LDLRAD3: variants seen among roughly 807,000 people sequenced by gnomAD.
LDLRAD3 encodes the protein low density lipoprotein receptor class A domain containing 3.
In LDLRAD3, 20 loss-of-function variants were observed where a neutral mutation model predicts 29.4. That is an observed-to-expected ratio of 0.68 (90% CI 0.48 to 0.99). LDLRAD3 has a LOEUF of 0.99. Ranked by LOEUF, LDLRAD3 falls within the 50% of genes least tolerant of loss-of-function variation. The probability of loss-of-function intolerance (pLI) is 0.00; values close to 1 mark genes in which losing one functional copy is unlikely to be tolerated. For synonymous variants in LDLRAD3, 157 were observed against 192.7 expected (o/e 0.81, Z 1.53); for missense variants, 420 against 454.3 (o/e 0.92, Z 0.69).
Position 36,015,312 on chromosome 11 carries a change from C to A in LDLRAD3, c.47-20791C>A, listed in dbSNP as rs1430534532. On this transcript the variant is annotated intron_variant, in intron 1 of 5. Transcript: ENST00000315571. ...TAAATCCGGGACATGCCATTCCCCC[C>A]CCCCGCCCCCTGCCCCCATTGCCTG... Among the ~76,000 whole-genome samples, 3 of 146,280 alleles carry A rather than the reference C, an allele frequency of 2.1e-5. No individual in the cohort carries two copies. The East Asian group carries it at 6.1e-4, about 30-fold the overall frequency.
intron 4 of LDLRAD3, among the ~76,000 whole-genome samples, chr11:36,153,413 G>A (rs921444118): frequency 6.6e-6 from 1 of 152,158 alleles, no homozygotes; most frequent in Non-Finnish European, 1.5e-5. Context: ...GGCTGGCTCT[G>A]GTTGCTGTGG....
intron 4 of LDLRAD3, chr11:36,197,871 T>A (rs75122269): frequency 0.086 from 12,198 of 141,992 alleles, 545 homozygotes; most frequent in East Asian, 0.2. Context: ...ACAGAGCAAG[T>A]CCCCATGTCT....
chr11:36,225,342 G>T (rs1281353882), intron 4 of LDLRAD3, among the ~76,000 whole-genome samples: 1 of 152,196 alleles, frequency 6.6e-6, no homozygotes, highest in Non-Finnish European at 1.5e-5. Flanking sequence ...TAAAGATGAG[G>T]GGTCCCCAGC....
chr11:36,057,223 C>G (rs1290179710), intron 2 of LDLRAD3, among the ~76,000 whole-genome samples: 1 of 152,192 alleles, frequency 6.6e-6, no homozygotes, highest in Non-Finnish European at 1.5e-5. Flanking sequence ...TCAGTGGTTC[C>G]TGTGATCGTC....
intron 1 of LDLRAD3, among the ~76,000 whole-genome samples, chr11:36,012,465 T>A (rs77973415): frequency 0.017 from 2,627 of 152,314 alleles, 68 homozygotes; most frequent in East Asian, 0.12. Flanking sequence ...CAGCTTCTCT[T>A]TGGCATACCT....
intron 1 of LDLRAD3, among the ~76,000 whole-genome samples, chr11:35,978,767 A>G (rs935098568): frequency 6.6e-6 from 1 of 152,196 alleles, no homozygotes. Context: ...TTAAAATTTT[A>G]AACACCTGCA....
chr11:36,178,441 G>T (rs1034333706), intron 4 of LDLRAD3, among the ~76,000 whole-genome samples: 1 of 152,104 alleles, frequency 6.6e-6, no homozygotes, highest in African/African-American at 2.4e-5. Context: ...TCCGTCGTAC[G>T]CCAAATCCAT....
At chr11:36,141,049 T>A (rs11033456) in intron 4 of LDLRAD3, among the ~76,000 whole-genome samples, 8,337 of 149,188 alleles carry the variant, frequency 0.056, 409 homozygotes, top group East Asian at 0.25. Flanking sequence ...TGTGGGGGTG[T>A]GCGTGTGTGT....
chr11:36,043,244 G>A lies in LDLRAD3; in HGVS notation c.193+6995G>A, dbSNP rs1419877261. On this transcript the variant is annotated intron_variant, in intron 2 of 5. Coordinates refer to ENST00000315571, the MANE Select transcript of LDLRAD3 (RefSeq NM_174902.4). ...CAAGATTTACTTGAACCTGGGAGGTGGAGGTTGCAGTGAGCTGAGATTGTG... is the reference window on the plus strand; with the variant it reads ...CAAGATTTACTTGAACCTGGGAGGTAGAGGTTGCAGTGAGCTGAGATTGTG... Among the ~76,000 whole-genome samples, 6 of 152,304 alleles carry A rather than the reference G, an allele frequency of 3.9e-5. No individual in the cohort carries two copies. The East Asian group carries it at 9.7e-4, about 25-fold the overall frequency.
At chr11:36,143,710 A>C (rs757994281) in intron 4 of LDLRAD3, among the ~76,000 whole-genome samples, 1 of 152,180 alleles carries the variant, frequency 6.6e-6, no homozygotes, top group Non-Finnish European at 1.5e-5. Flanking sequence ...AAGTCCAAGC[A>C]CAAGGTGTCA....
At chr11:36,217,014 C>A (rs1855361855) in intron 4 of LDLRAD3, among the ~76,000 whole-genome samples, 1 of 152,162 alleles carries the variant, frequency 6.6e-6, no homozygotes, top group Admixed American at 6.5e-5. Context: ...TGCTCTATGA[C>A]CTTCTGTAAG....
At chr11:35,961,200 T>C (rs953059141) in intron 1 of LDLRAD3, among the ~76,000 whole-genome samples, 2 of 152,188 alleles carry the variant, frequency 1.3e-5, no homozygotes, top group Non-Finnish European at 2.9e-5. Flanking sequence ...AGCCATGTGC[T>C]CCTCCTCCCT....
At chr11:36,191,576 C>CTATA (rs71310173) in intron 4 of LDLRAD3, among the ~76,000 whole-genome samples, 858 of 53,238 alleles carry the variant, frequency 0.016, 23 homozygotes, top group Non-Finnish European at 0.02. Flanking sequence ...CTCTCTCTCT[C>CTATA]TATATATATA....
chr11:36,229,628 T>TTAATTATAC lies in LDLRAD3; in HGVS notation c.*231_*232insTAATTATAC. On this transcript the variant is annotated 3_prime_UTR_variant, in exon 6 of 6. Coordinates refer to ENST00000315571, the MANE Select transcript of LDLRAD3 (RefSeq NM_174902.4). ...CTTTTCTGTCAGGTCACTCTTCCCT[T>TTAATTATAC]GGGACCCGAGATCACACCCTCATTT... 2 of 474,280 alleles carry TTAATTATAC rather than the reference T, an allele frequency of 4.2e-6. No individual in the cohort carries two copies. The highest frequency in any genetic ancestry group is 7.5e-6 in the Non-Finnish European group (2 of 267,396). 29.4% of individuals were successfully genotyped at this position (474,280 alleles called of 1,614,324 possible).
intron 1 of LDLRAD3, among the ~76,000 whole-genome samples, chr11:35,995,870 C>G (rs1459084154): frequency 6.6e-6 from 1 of 152,204 alleles, no homozygotes; most frequent in Non-Finnish European, 1.5e-5. Context: ...GCAGCTTTCT[C>G]ACCTCGTTAG....
chr11:35,950,879 C>T (rs1462190715), intron 1 of LDLRAD3, among the ~76,000 whole-genome samples: 9 of 152,082 alleles, frequency 5.9e-5, no homozygotes, highest in African/African-American at 1.9e-4. Flanking sequence ...GTCAGAAGAT[C>T]GAGACCATCC....
chr11:36,145,379 G>T (rs1407519988), intron 4 of LDLRAD3, among the ~76,000 whole-genome samples: 2 of 99,470 alleles, frequency 2.0e-5, no homozygotes, highest in African/African-American at 9.6e-5. Flanking sequence ...CTGGGAGGGA[G>T]GTGGGGGGGT....
intron 1 of LDLRAD3, among the ~76,000 whole-genome samples, chr11:36,005,074 T>A (rs572550421): frequency 6.6e-6 from 1 of 152,236 alleles, no homozygotes; most frequent in Non-Finnish European, 1.5e-5. Context: ...TTGTCTTGGC[T>A]ATTGACATTC....
At chr11:36,060,157 A>G (rs942462781) in intron 2 of LDLRAD3, among the ~76,000 whole-genome samples, 1 of 152,152 alleles carries the variant, frequency 6.6e-6, no homozygotes, top group African/African-American at 2.4e-5. Flanking sequence ...GATTGAGACC[A>G]TCCTGGGTAA....
Sources: allele counts gnomAD v4.1 joint callset (sites outside exome capture counted in the v4.1 genomes callset), GRCh38; gene constraint gnomAD v4.1.1; transcripts MANE v1.5; gene names NCBI Gene and HGNC (gene_info 2026-07-23, HGNC 2026-07-21).